Variants in GTF2F2 observed in about 807,000 individuals in gnomAD.
GTF2F2 encodes the protein general transcription factor IIF subunit 2, also known as ATP-dependent helicase GTF2F2.
In GTF2F2, 23 loss-of-function variants were observed where a neutral mutation model predicts 42.2. The observed-to-expected ratio is 0.55, with a 90% CI of 0.39 to 0.77. The LOEUF (loss-of-function observed/expected upper bound fraction) is 0.77, where lower values mean the gene tolerates loss of function less well. Among genes scored for constraint, GTF2F2 ranks in the 30% least tolerant of loss-of-function variants. GTF2F2 has a pLI of 0.00. For synonymous variants in GTF2F2, 105 were observed against 100.8 expected, an observed-to-expected ratio of 1.04 and a Z score of -0.25; for missense variants, 261 against 287.2, an observed-to-expected ratio of 0.91 and a Z score of 0.66.
chr13:45,217,763 C>G (rs1013544652), intron 5 of GTF2F2, among the ~76,000 whole-genome samples: 4 of 152,220 alleles, frequency 2.6e-5, no homozygotes, highest in African/African-American at 9.6e-5. Context: ...TGTTCACTCA[C>G]AGTTGAAAAT....
At chr13:45,136,524 T>C (rs901699976) in intron 1 of GTF2F2, among the ~76,000 whole-genome samples, 1 of 152,244 alleles carries the variant, frequency 6.6e-6, no homozygotes, top group African/African-American at 2.4e-5. Flanking sequence ...CCTATGTTAG[T>C]TTTGTGTTGC....
intron 1 of GTF2F2, among the ~76,000 whole-genome samples, chr13:45,122,154 C>G (rs1299973684): frequency 2.0e-5 from 3 of 151,918 alleles, no homozygotes. Context: ...AAGATGGGGA[C>G]CATATACTCA....
chr13:45,277,934 A>G (rs916078500), intron 7 of GTF2F2, among the ~76,000 whole-genome samples: 4 of 152,222 alleles, frequency 2.6e-5, no homozygotes, highest in African/African-American at 9.6e-5. Context: ...TAACAGGGTC[A>G]TATTGTTAAC....
chr13:45,193,938 T>G, intron 4 of GTF2F2: 2 of 1,614,170 alleles, frequency 1.2e-6, no homozygotes, highest in Non-Finnish European at 1.7e-6. Flanking sequence ...TGTCTTCCTT[T>G]AGTACAAGTC....
intron 5 of GTF2F2, among the ~76,000 whole-genome samples, chr13:45,220,320 A>ATC (rs1874055666): frequency 6.6e-6 from 1 of 152,234 alleles, no homozygotes; most frequent in Admixed American, 6.5e-5. Context: ...TTTACTGAGC[A>ATC]TCTAGTGTAT....
At chr13:45,165,641 T>C (rs1317142141) in intron 4 of GTF2F2, among the ~76,000 whole-genome samples, 1 of 148,520 alleles carries the variant, frequency 6.7e-6, no homozygotes, top group Non-Finnish European at 1.5e-5. Context: ...AGAGAAATAG[T>C]ACAGTGAACT....
chr13:45,184,904 T>G (rs929448022), intron 4 of GTF2F2, among the ~76,000 whole-genome samples: 4 of 152,162 alleles, frequency 2.6e-5, no homozygotes, highest in African/African-American at 4.8e-5. Flanking sequence ...GCCAATCTCC[T>G]GTGCTCAAGC....
intron 4 of GTF2F2, among the ~76,000 whole-genome samples, chr13:45,160,526 A>G (rs980547660): frequency 6.6e-6 from 1 of 152,218 alleles, no homozygotes; most frequent in African/African-American, 2.4e-5. Context: ...ATTTTGTAGC[A>G]TCATACATCC....
At position 45,246,910 on chromosome 13, in the gene GTF2F2, C is replaced by T. The variant is rs184546233; in HGVS notation, c.387-5961C>T. ...AAAATTAGCCTGGCGTGGTGGCGGGCGCCTGTAGTCCCAGCTACTTGGGAA... is the reference window on the plus strand; with the variant it reads ...AAAATTAGCCTGGCGTGGTGGCGGGTGCCTGTAGTCCCAGCTACTTGGGAA... On this transcript the variant is annotated intron_variant, in intron 5 of 7. Transcript: ENST00000340473. Among the ~76,000 whole-genome samples the T allele has an allele frequency of 9.9e-5, 15 of 151,872 alleles. No homozygotes were observed. In the East Asian group the frequency reaches 1.6e-3, roughly 16 times the overall value.
intron 7 of GTF2F2, among the ~76,000 whole-genome samples, chr13:45,280,857 G>T (rs1046672324): frequency 2.4e-4 from 36 of 152,156 alleles, no homozygotes; most frequent in African/African-American, 8.4e-4. Flanking sequence ...CCTGGCAATT[G>T]TTCTTTTCAT....
intron 3 of GTF2F2, among the ~76,000 whole-genome samples, chr13:45,150,072 A>G (rs975468735): frequency 6.6e-6 from 1 of 152,224 alleles, no homozygotes; most frequent in Non-Finnish European, 1.5e-5. Context: ...GTATTACTTC[A>G]GTGTGACAAA....
intron 3 of GTF2F2, among the ~76,000 whole-genome samples, chr13:45,150,664 C>CTTTTTTTTTTTTTTTTTTT (rs368061537): frequency 2.4e-5 from 3 of 122,460 alleles, no homozygotes; most frequent in East Asian, 2.1e-4. Flanking sequence ...AAAAAATCAT[C>CTTTTTTTTTTTTTTTTTTT]TTTTTTTTTT....
intron 1 of GTF2F2, among the ~76,000 whole-genome samples, chr13:45,122,833 T>G (rs1868728086): frequency 6.6e-6 from 1 of 152,176 alleles, no homozygotes; most frequent in African/African-American, 2.4e-5. Flanking sequence ...ATCTCACGGT[T>G]TATAGATCAT....
rs1028026649 is a variant in GTF2F2 at position 45,176,755 on chromosome 13, C to T, written c.304+24924C>T. Among the ~76,000 whole-genome samples the T allele has an allele frequency of 2.0e-4, 30 of 151,976 alleles. 1 individual carries two copies. Among genetic ancestry groups the T allele is most frequent in the African/African-American group, 6.3e-4 (26 of 41,474 alleles). ...GTATTGTCTTTCTTCACATTTGCATCTGTGGTTTAACTGGAATTGTTTTTT... is the reference window on the plus strand; with the variant it reads ...GTATTGTCTTTCTTCACATTTGCATTTGTGGTTTAACTGGAATTGTTTTTT... On this transcript the variant is annotated intron_variant, in intron 4 of 7. Coordinates refer to ENST00000340473, the MANE Select transcript of GTF2F2 (RefSeq NM_004128.3).
At chr13:45,191,093 C>T (rs1274959416) in intron 4 of GTF2F2, among the ~76,000 whole-genome samples, 3 of 150,216 alleles carry the variant, frequency 2.0e-5, no homozygotes, top group East Asian at 1.9e-4. Flanking sequence ...AAAAGCCGGC[C>T]GGGCGCAGTG....
rs1241317843 is a variant in GTF2F2 at position 45,284,768 on chromosome 13, T to C, written c.*1207T>C. The C allele has an allele frequency of 6.6e-6, 1 of 152,212 alleles. No homozygotes were observed. Among genetic ancestry groups the C allele is most frequent in the East Asian group, 1.9e-4 (1 of 5,204 alleles). The allele number at this position is 152,212 out of a possible 1,614,324, so 9.4% of individuals were successfully genotyped here. A position where few individuals can be genotyped will look rare whatever the true frequency, so the allele number is the denominator to read the frequency against. ...ATTAAAGCAAGAAGATATCTATCCATTGAGAAAAACAATTTTTATATTATT... is the reference window on the plus strand; with the variant it reads ...ATTAAAGCAAGAAGATATCTATCCACTGAGAAAAACAATTTTTATATTATT... On this transcript the variant is annotated 3_prime_UTR_variant, in exon 8 of 8. Transcript: ENST00000340473.
intron 4 of GTF2F2, among the ~76,000 whole-genome samples, chr13:45,202,353 CTCCAG>C (rs1224640788): frequency 6.6e-6 from 1 of 152,192 alleles, no homozygotes; most frequent in Non-Finnish European, 1.5e-5. Flanking sequence ...CGCCACTGCA[CTCCAG>C]TCTAGGCAAC....
At chr13:45,220,746 T>C (rs1304591977) in intron 5 of GTF2F2, 1 of 152,144 alleles carries the variant, frequency 6.6e-6, no homozygotes, top group African/African-American at 2.4e-5. Context: ...CTAGACTTGA[T>C]CTAGTAAGAG....
intron 4 of GTF2F2, among the ~76,000 whole-genome samples, chr13:45,156,433 T>C (rs2138126132): frequency 6.6e-6 from 1 of 152,338 alleles, no homozygotes; most frequent in South Asian, 2.1e-4. Context: ...TTCTTTTACC[T>C]GTCATCCTCT....
Sources: gnomAD v4.1 joint callset for allele counts (sites outside exome capture counted in the v4.1 genomes callset) on GRCh38, gnomAD v4.1.1 for gene constraint, MANE v1.5 for transcripts, NCBI Gene and HGNC (gene_info 2026-07-23, HGNC 2026-07-21) for gene names.